Variants in BIRC6 observed in about 807,000 individuals in gnomAD.
The protein encoded by BIRC6 is baculoviral IAP repeat containing 6.
A neutral mutation model predicts 503.3 loss-of-function variants in BIRC6; 98 were observed. The observed-to-expected ratio is 0.19, with a 90% CI of 0.17 to 0.23. The LOEUF is 0.23. Among genes scored for constraint, BIRC6 ranks in the 10% least tolerant of loss-of-function variants. The pLI is 1.00. For synonymous variants in BIRC6, 2,240 were observed against 2,078.7 expected (o/e 1.08, Z -2.11); for missense variants, 5,360 against 5,806.0 (o/e 0.92, Z 2.50).
At chr2:32,566,702 A>C (rs2059555710) in intron 65 of BIRC6, among the ~76,000 whole-genome samples, 1 of 152,114 alleles carries the variant, frequency 6.6e-6, no homozygotes, top group South Asian at 2.1e-4. Context: ...TGCCCATTGT[A>C]AATATGATAT....
At chr2:32,367,705 A>G (rs2149203833) in intron 1 of BIRC6, among the ~76,000 whole-genome samples, 1 of 152,076 alleles carries the variant, frequency 6.6e-6, no homozygotes, top group South Asian at 2.1e-4. Flanking sequence ...AATTCCAGCT[A>G]CTCGGGAGGC....
rs768200608 is a variant in BIRC6 at position 32,493,648 on chromosome 2, C to T, written c.8449C>T (p.His2817Tyr). 2.5e-6 allele frequency: 4 copies of T among 1,604,118 alleles called. No individual in the cohort carries two copies. Among genetic ancestry groups the T allele is most frequent in the Admixed American group, 1.7e-5 (1 of 59,830 alleles). ...IFSEFLLKLI[H>Y]ILSTERGAFQ... ...CAGTGAATTTTTGCTCAAGCTAATT[C>T]ATATACTTTCAACTGAAAGGTAAAT... The change falls in exon 45 of 74, where the codon CAT becomes TAT. Residue 2817 changes from histidine to tyrosine, a missense_variant. Around this residue, in one of 16 missense-constraint regions of BIRC6, gnomAD observed 2,299 missense variants for 2,267.2 expected, o/e 1.01. Transcript: ENST00000421745.
At chr2:32,401,745 G>GT in intron 8 of BIRC6, 122 bp downstream of exon 8, 1 of 804,708 alleles carries the variant, frequency 1.2e-6, no homozygotes, top group Non-Finnish European at 1.8e-6. Flanking sequence ...AGATCAGAGA[G>GT]TAAATGTTTG....
chr2:32,534,834 C>A (rs2057086891), intron 61 of BIRC6, among the ~76,000 whole-genome samples: 1 of 147,050 alleles, frequency 6.8e-6, no homozygotes, highest in Non-Finnish European at 1.5e-5. Flanking sequence ...GTGAAAAATT[C>A]TAACTTACAT....
intron 31 of BIRC6, 71 bp from the exon 32 acceptor site, chr2:32,470,943 T>C: frequency 1.4e-6 from 2 of 1,450,932 alleles, no homozygotes; most frequent in Non-Finnish European, 1.9e-6. Context: ...TTGTTTCACT[T>C]ATATTATCAG....
Position 32,509,782 on chromosome 2 carries a change from G to A in BIRC6, c.10025G>A (p.Ser3342Asn), listed in dbSNP as rs934191619. ...TTACATCATTGCCTTACTCACATAA[G>A]TGATCTAGAAGGAATGATGGCAAGT... ...RLLHHCLTHI[S>N]DLEGMMASAA... The change falls in exon 52 of 74, where the codon AGT (serine) becomes AAT (asparagine). Residue 3342 changes from serine (S) to asparagine (N), a missense_variant. Ser to Asn is a conservative substitution (Grantham distance 46). Coordinates refer to ENST00000421745, the MANE Select transcript of BIRC6 (RefSeq NM_016252.4). 1.2e-6 allele frequency: 2 copies of A among 1,613,870 alleles called. No homozygotes were observed. The highest frequency in any genetic ancestry group is 1.3e-5 in the African/African-American group (1 of 74,930).
rs146684510 is a variant in BIRC6, at chr2:32,484,765, G to C, written c.7697-878G>C. 3.8e-3 allele frequency among the ~76,000 whole-genome samples: 578 copies of C among 151,924 alleles called. 4 individuals are homozygous for C. The highest frequency in any genetic ancestry group is 0.017 in the Middle Eastern group (5 of 294). ...TGCCCAGGCTGGTCTTGAACTCCTG[G>C]GTGAGCCCAGTCCTTCAACCCCAGC... On this transcript the variant is annotated intron_variant, in intron 39 of 73. Transcript: ENST00000421745.
At chr2:32,604,396 T>A (rs1030619233) in intron 71 of BIRC6, among the ~76,000 whole-genome samples, 1 of 152,220 alleles carries the variant, frequency 6.6e-6, no homozygotes, top group African/African-American at 2.4e-5. Context: ...AATGACTGTG[T>A]CCAGTTCAGA....
intron 73 of BIRC6, among the ~76,000 whole-genome samples, chr2:32,616,610 G>T (rs930232812): frequency 6.6e-6 from 1 of 150,694 alleles, no homozygotes; most frequent in Non-Finnish European, 1.5e-5. Context: ...TTATTTCTAA[G>T]GTTTATTCTG....
chr2:32,548,042 T>C, intron 64 of BIRC6, 28 bp downstream of exon 64: 1 of 1,535,922 alleles, frequency 6.5e-7, no homozygotes, highest in Non-Finnish European at 8.7e-7. Flanking sequence ...ATATTGTTCA[T>C]GATAATGGCT....
chr2:32,390,060 G>A (rs1410236669), intron 4 of BIRC6, among the ~76,000 whole-genome samples: 1 of 152,114 alleles, frequency 6.6e-6, no homozygotes, highest in African/African-American at 2.4e-5. Flanking sequence ...GTGTTTCTCT[G>A]TGTTGGTCAG....
intron 3 of BIRC6, among the ~76,000 whole-genome samples, chr2:32,381,539 T>C (rs1260974763): frequency 6.8e-6 from 1 of 147,148 alleles, no homozygotes; most frequent in Admixed American, 6.8e-5. Context: ...TGCACCTGGC[T>C]CTTTTTTTTT....
intron 4 of BIRC6, among the ~76,000 whole-genome samples, chr2:32,389,467 T>C (rs1255190316): frequency 1.3e-5 from 2 of 152,120 alleles, no homozygotes; most frequent in African/African-American, 2.4e-5. Flanking sequence ...TAAACAGTAT[T>C]ACAAAAATCA....
rs1346765268 is a variant in BIRC6, at chr2:32,564,170, TC to T, written c.13145-10985del. On this transcript the variant is annotated intron_variant, in intron 65 of 73. Coordinates refer to ENST00000421745, the MANE Select transcript of BIRC6 (RefSeq NM_016252.4). ...GCACTAAGCGGCTGATAATCTACTT[TC>T]TATCCTTATATAGAGTTGCCTTTTC... The T allele has an allele frequency of 2.0e-5, 3 of 152,244 alleles. No homozygotes were observed. In the East Asian group the frequency reaches 5.8e-4, roughly 29 times the overall value. 9.4% of individuals were successfully genotyped at this position (152,244 alleles called of 1,614,324 possible).
chr2:32,571,814 A>T (rs1054087988), intron 65 of BIRC6, among the ~76,000 whole-genome samples: 1 of 152,110 alleles, frequency 6.6e-6, no homozygotes, highest in Non-Finnish European at 1.5e-5. Context: ...CTTGAGGTAC[A>T]TGTAAGATTG....
intron 34 of BIRC6, 123 bp downstream of exon 34, chr2:32,476,467 C>T: frequency 9.8e-7 from 1 of 1,016,582 alleles, no homozygotes; most frequent in Non-Finnish European, 1.4e-6. Flanking sequence ...CTACTCTGGA[C>T]TTTTTTTTGG....
At chr2:32,534,807 G>C (rs1179338909) in intron 61 of BIRC6, among the ~76,000 whole-genome samples, 2 of 143,202 alleles carry the variant, frequency 1.4e-5, no homozygotes, top group Non-Finnish European at 3.0e-5. Context: ...AAGAACATAA[G>C]AGCTGTATGG....
At position 32,497,579 on chromosome 2, in the gene BIRC6, G is replaced by A. The variant is rs759562139; in HGVS notation, c.8469-1968G>A. On this transcript the variant is annotated intron_variant, in intron 45 of 73. Transcript: ENST00000421745. ...GTTTTCTCTTCTTGATTGAGCTTTG[G>A]TAATTTTGTGAAGGAAGTTGTTCCT... Among the ~76,000 whole-genome samples, 5 of 152,096 alleles carry A rather than the reference G, an allele frequency of 3.3e-5. No homozygotes were observed. In the East Asian group the frequency reaches 7.7e-4, roughly 23 times the overall value.
intron 73 of BIRC6, among the ~76,000 whole-genome samples, chr2:32,613,509 T>C (rs964267986): frequency 3.9e-5 from 6 of 152,032 alleles, no homozygotes; most frequent in Non-Finnish European, 7.4e-5. Flanking sequence ...GCCTCCTGAG[T>C]ATCTGGGATT....
Sources: allele counts gnomAD v4.1 joint callset (sites outside exome capture counted in the v4.1 genomes callset), GRCh38; gene constraint gnomAD v4.1.1; regional missense constraint gnomAD v4.1.1; transcripts MANE v1.5; gene names NCBI Gene and HGNC (gene_info 2026-07-23, HGNC 2026-07-21).